ITFG1: variants seen among roughly 807,000 people sequenced by gnomAD.
ITFG1 encodes integrin alpha FG-GAP repeat containing 1.
A neutral mutation model predicts 81.8 loss-of-function variants in ITFG1; 34 were observed. That is an observed-to-expected ratio of 0.42 (90% CI 0.32 to 0.55). The LOEUF (loss-of-function observed/expected upper bound fraction) is 0.55, where lower values mean the gene tolerates loss of function less well. Ranked by LOEUF, ITFG1 falls within the 20% of genes least tolerant of loss-of-function variation. The probability of loss-of-function intolerance (pLI) is 0.17; values close to 1 mark genes in which losing one functional copy is unlikely to be tolerated. For missense variants in ITFG1, 672 were observed against 755.4 expected (o/e 0.89, Z 1.29); for synonymous variants, 285 against 270.6 (o/e 1.05, Z -0.52).
rs577995407 is a variant in ITFG1 at position 47,295,546 on chromosome 16, C to T, written c.1070+15694G>A. Among the ~76,000 whole-genome samples the T allele has an allele frequency of 3.2e-4, 49 of 152,226 alleles. No homozygotes were observed. The Middle Eastern group carries it at 0.017, about 53-fold the overall frequency. ...TATTTCTTCCTATCTTGAGAGGTTA[C>T]GTTTCCAGGAATTTATCCATTTCCC... is the stretch of plus-strand genomic sequence containing the variant. On this transcript the variant is annotated intron_variant, in intron 10 of 17. Transcript: ENST00000320640.
chr16:47,193,221 A>T (rs546521647), intron 14 of ITFG1, among the ~76,000 whole-genome samples: 280 of 145,588 alleles, frequency 1.9e-3, no homozygotes, highest in East Asian at 3.2e-3. Flanking sequence ...TATTAAAAAA[A>T]TTTTTTTTTT....
chr16:47,442,280 C>T (rs1402713449), intron 5 of ITFG1, among the ~76,000 whole-genome samples: 4 of 152,130 alleles, frequency 2.6e-5, no homozygotes, highest in African/African-American at 2.4e-5. Flanking sequence ...GATTCAATGC[C>T]ATCCCCATCA....
At chr16:47,440,685 C>A (rs966813450) in intron 5 of ITFG1, among the ~76,000 whole-genome samples, 1 of 151,838 alleles carries the variant, frequency 6.6e-6, no homozygotes, top group Non-Finnish European at 1.5e-5. Flanking sequence ...ACATTCAAAG[C>A]CGTGTGTAGA....
intron 7 of ITFG1, among the ~76,000 whole-genome samples, chr16:47,366,871 C>T (rs1968184239): frequency 6.6e-6 from 1 of 152,196 alleles, no homozygotes; most frequent in African/African-American, 2.4e-5. Flanking sequence ...AATCAACAGA[C>T]ATAAGACTTC....
chr16:47,199,419 C>G (rs548848313), intron 14 of ITFG1, among the ~76,000 whole-genome samples: 1 of 152,198 alleles, frequency 6.6e-6, no homozygotes, highest in African/African-American at 2.4e-5. Context: ...TCTAGTTGTA[C>G]AAGCTACATT....
At chr16:47,264,507 T>A (rs1289230584) in intron 10 of ITFG1, among the ~76,000 whole-genome samples, 2 of 151,200 alleles carry the variant, frequency 1.3e-5, no homozygotes, top group Non-Finnish European at 2.9e-5. Flanking sequence ...TTTAACACTA[T>A]GCTATTGATG....
chr16:47,163,954 TACACACAC>T (rs796283043), intron 14 of ITFG1, among the ~76,000 whole-genome samples: 2 of 96,778 alleles, frequency 2.1e-5, no homozygotes, highest in Admixed American at 9.4e-5. Context: ...CACACACACA[TACACACAC>T]ACACACACCA....
intron 10 of ITFG1, among the ~76,000 whole-genome samples, chr16:47,278,329 T>G (rs1402052637): frequency 6.6e-6 from 1 of 152,180 alleles, no homozygotes; most frequent in East Asian, 1.9e-4. Flanking sequence ...AAAGTGAAGA[T>G]TTCTCAGAAT....
At position 47,265,782 on chromosome 16, in the gene ITFG1, C is replaced by G. The variant is rs189095306; in HGVS notation, c.1071-5087G>C. Among the ~76,000 whole-genome samples the G allele has an allele frequency of 4.6e-4, 70 of 152,106 alleles. No homozygotes were observed. In the Middle Eastern group the frequency reaches 0.01, roughly 22 times the overall value. ...AATACTGACATGAAATATAAAGGGT[C>G]TAAACACACAAACTACAAGCCATAC... On this transcript the variant is annotated intron_variant, in intron 10 of 17. Coordinates refer to ENST00000320640, the MANE Select transcript of ITFG1 (RefSeq NM_030790.5).
chr16:47,245,820 C>T (rs1965995611), intron 12 of ITFG1, among the ~76,000 whole-genome samples: 2 of 151,712 alleles, frequency 1.3e-5, no homozygotes, highest in Non-Finnish European at 2.9e-5. Context: ...CTAATTGTCC[C>T]CTGCCTCCTC....
intron 8 of ITFG1, among the ~76,000 whole-genome samples, chr16:47,354,707 A>C (rs1968014816): frequency 6.6e-6 from 1 of 152,102 alleles, no homozygotes; most frequent in Admixed American, 6.6e-5. Flanking sequence ...ATACCAAAAA[A>C]AATTGTGATT....
intron 8 of ITFG1, among the ~76,000 whole-genome samples, chr16:47,325,509 C>A (rs552503908): frequency 6.6e-6 from 1 of 151,940 alleles, no homozygotes. Flanking sequence ...CACAAAAAAC[C>A]CTTCAAAAAA....
At position 47,445,120 on chromosome 16, in the gene ITFG1, A is replaced by G. The variant is rs573581684; in HGVS notation, c.560+6276T>C. Among the ~76,000 whole-genome samples, 499 of 151,450 alleles carry G rather than the reference A, an allele frequency of 3.3e-3. 3 individuals are homozygous for G. The highest frequency in any genetic ancestry group is 0.012 in the African/African-American group (482 of 41,382). On this transcript the variant is annotated intron_variant, in intron 5 of 17. Coordinates refer to ENST00000320640, the MANE Select transcript of ITFG1 (RefSeq NM_030790.5). ...TAAGAGAAATGTACATTAAAAAAAA[A>G]AAAAAAAGAAAAACTGGAAGTTCTA...
At chr16:47,236,706 C>T (rs964128968) in intron 13 of ITFG1, among the ~76,000 whole-genome samples, 1 of 152,058 alleles carries the variant, frequency 6.6e-6, no homozygotes, top group Non-Finnish European at 1.5e-5. Context: ...ACCTGAATAA[C>T]CAAGTTAATC....
intron 6 of ITFG1, among the ~76,000 whole-genome samples, chr16:47,424,022 T>A (rs1432666028): frequency 6.6e-6 from 1 of 152,222 alleles, no homozygotes; most frequent in Admixed American, 6.5e-5. Context: ...CTGAAGAGTG[T>A]TTTCCAACTT....
At chr16:47,238,301 A>G in intron 12 of ITFG1, 2 of 201,640 alleles carry the variant, frequency 9.9e-6, no homozygotes, top group Non-Finnish European at 2.0e-5. Flanking sequence ...TCTATTTTCC[A>G]ATTAGTTAGC....
At chr16:47,324,452 C>T (rs1039195518) in intron 8 of ITFG1, among the ~76,000 whole-genome samples, 14 of 152,162 alleles carry the variant, frequency 9.2e-5, no homozygotes, top group Admixed American at 7.2e-4. Context: ...AGCCAGCTAA[C>T]ATCATAATGA....
rs945042487 is a variant in ITFG1, at chr16:47,155,297, T to C, written c.*422A>G. On this transcript the variant is annotated 3_prime_UTR_variant, in exon 18 of 18. Coordinates refer to ENST00000320640, the MANE Select transcript of ITFG1 (RefSeq NM_030790.5). ...TGCTGTGATGAAGCTGAATGCCTAA[T>C]GACTCCGTGATATATTCACAAAAGT... 5 of 154,392 alleles carry C rather than the reference T, an allele frequency of 3.2e-5. No homozygotes were observed. The highest frequency in any genetic ancestry group is 7.2e-5 in the Non-Finnish European group (5 of 69,760). The allele number at this position is 154,392 out of a possible 1,614,324, so 9.6% of individuals were successfully genotyped here.
chr16:47,266,955 TTCC>T (rs1966283144), intron 10 of ITFG1, among the ~76,000 whole-genome samples: 1 of 152,172 alleles, frequency 6.6e-6, no homozygotes, highest in Non-Finnish European at 1.5e-5. Context: ...ACAACATATA[TTCC>T]ACTTATATGG....
Sources: gnomAD v4.1 joint callset for allele counts (sites outside exome capture counted in the v4.1 genomes callset) on GRCh38, gnomAD v4.1.1 for gene constraint, MANE v1.5 for transcripts, NCBI Gene and HGNC (gene_info 2026-07-23, HGNC 2026-07-21) for gene names.